The following SHTN1 variants were observed in gnomAD, a reference collection of about 807,000 sequenced individuals.
The protein encoded by SHTN1 is shootin 1, also known as shootin-1.
Under a neutral mutation model 83.1 loss-of-function variants are expected in SHTN1, and 42 were observed. The observed-to-expected ratio is 0.51, with a 90% CI of 0.39 to 0.65. The LOEUF (loss-of-function observed/expected upper bound fraction) is 0.65, where lower values mean the gene tolerates loss of function less well. SHTN1 is among the 30% of genes least tolerant of loss of function. The pLI, the probability that SHTN1 is intolerant of heterozygous loss-of-function variation, is 0.00. For missense variants in SHTN1, 622 were observed against 737.8 expected (o/e 0.84, Z 1.82); for synonymous variants, 224 against 247.7 (o/e 0.90, Z 0.90).
At chr10:117,113,704 G>C (rs1853801241) in intron 1 of SHTN1, among the ~76,000 whole-genome samples, 1 of 152,184 alleles carries the variant, frequency 6.6e-6, no homozygotes, top group Non-Finnish European at 1.5e-5. Flanking sequence ...AGGCGTTCAA[G>C]ACCCGCCTAG....
chr10:117,002,809 C>T lies in SHTN1; in HGVS notation c.58+2213G>A, dbSNP rs375455266. Among the ~76,000 whole-genome samples, 111 of 152,310 alleles carry T rather than the reference C, an allele frequency of 7.3e-4. 2 individuals are homozygous for T. The South Asian group carries it at 0.022, about 30-fold the overall frequency. On this transcript the variant is annotated intron_variant, in intron 1 of 16. Transcript: ENST00000355371. ...ACACCTTTGTAACTAGACTCACTAT[C>T]CCCAAAAGTGTACCTTTTAAGAAAC...
chr10:116,900,268 G>T lies in SHTN1; in HGVS notation c.1673+1497C>A, dbSNP rs187840743. 3.6e-3 allele frequency: 1,659 copies of T among 461,892 alleles called. 6 individuals are homozygous for T. The highest frequency in any genetic ancestry group is 9.9e-3 in the Middle Eastern group (17 of 1,716). The allele number at this position is 461,892 out of a possible 1,614,324, so 28.6% of individuals were successfully genotyped here. ...CACAGTATTTGTATTAGAGCTTTAA[G>T]TAGATAAATTAAACTGGAATGTGTC... is the stretch of plus-strand genomic sequence containing the variant. On this transcript the variant is annotated intron_variant, in intron 16 of 16. Coordinates refer to ENST00000355371, the MANE Select transcript of SHTN1 (RefSeq NM_001127211.3).
At chr10:117,061,841 T>C (rs776605245) in intron 1 of SHTN1, among the ~76,000 whole-genome samples, 4 of 152,152 alleles carry the variant, frequency 2.6e-5, no homozygotes, top group Admixed American at 2.0e-4. Context: ...CACCAACCAA[T>C]TGGCCTGCTT....
Position 117,115,995 on chromosome 10 carries a change from T to C in SHTN1, c.-189+10312A>G, listed in dbSNP as rs568147273. On this transcript the variant is annotated intron_variant, in intron 1 of 17. Transcript: ENST00000392901. The stretch of plus-strand genomic sequence containing the variant: ...TGTAGAGTGGAGATAATTATAGAAA[T>C]CATTTCCCAAGTAACTAGAGAATCA... 1.5e-3 allele frequency among the ~76,000 whole-genome samples: 227 copies of C among 152,096 alleles called. 2 individuals are homozygous for C. Among genetic ancestry groups the C allele is most frequent in the African/African-American group, 5.3e-3 (221 of 41,514 alleles).
intron 1 of SHTN1, among the ~76,000 whole-genome samples, chr10:117,123,084 C>A (rs1776377028): frequency 6.6e-6 from 1 of 151,482 alleles, no homozygotes; most frequent in African/African-American, 2.4e-5. Flanking sequence ...CTCACTGCAA[C>A]CTCTGCCTCC....
chr10:117,081,854 T>C (rs1853269465), intron 1 of SHTN1, among the ~76,000 whole-genome samples: 1 of 151,976 alleles, frequency 6.6e-6, no homozygotes, highest in Non-Finnish European at 1.5e-5. Flanking sequence ...TGATGGTAGT[T>C]TGTACTTCTG....
chr10:117,086,666 G>A (rs1281177214), intron 1 of SHTN1, among the ~76,000 whole-genome samples: 1 of 152,134 alleles, frequency 6.6e-6, no homozygotes, highest in African/African-American at 2.4e-5. Context: ...GAATATAAAA[G>A]GAGGCAGACA....
intron 2 of SHTN1, among the ~76,000 whole-genome samples, chr10:117,031,652 T>A (rs947277835): frequency 6.6e-6 from 1 of 152,190 alleles, no homozygotes; most frequent in African/African-American, 2.4e-5. Flanking sequence ...TGTTTATTTA[T>A]GCAAACAGGG....
rs1847151623 is a variant in SHTN1, at chr10:116,886,015, T to C, written c.*329A>G. On this transcript the variant is annotated 3_prime_UTR_variant, in exon 17 of 17. Transcript: ENST00000355371. Reference sequence around the variant, plus strand: ...GCACCTCAAACTTTCAGCATTCCATTTGATGAGTGGTATGCACATTTCCTA... The same window carrying C: ...GCACCTCAAACTTTCAGCATTCCATCTGATGAGTGGTATGCACATTTCCTA... 3.9e-6 allele frequency: 1 copy of C among 254,366 alleles called. No homozygotes were observed. The highest frequency in any genetic ancestry group is 7.5e-6 in the Non-Finnish European group (1 of 133,962). 15.8% of individuals were successfully genotyped at this position (254,366 alleles called of 1,614,324 possible).
chr10:117,074,070 T>C (rs1248142254), intron 1 of SHTN1, among the ~76,000 whole-genome samples: 2 of 152,186 alleles, frequency 1.3e-5, no homozygotes, highest in East Asian at 3.9e-4. Flanking sequence ...ATTGTGGAAA[T>C]ATTAGTTTAA....
chr10:117,069,953 A>G (rs1252629172), intron 1 of SHTN1, among the ~76,000 whole-genome samples: 1 of 152,168 alleles, frequency 6.6e-6, no homozygotes, highest in African/African-American at 2.4e-5. Context: ...GTAGAGTTCT[A>G]TAAAAATTAA....
intron 2 of SHTN1, among the ~76,000 whole-genome samples, chr10:117,030,154 T>C (rs1852391959): frequency 2.0e-5 from 3 of 152,188 alleles, no homozygotes; most frequent in Non-Finnish European, 2.9e-5. Flanking sequence ...CCCAAAGTGC[T>C]GGGATTACAG....
chr10:117,059,390 A>C (rs1427917500), intron 1 of SHTN1, among the ~76,000 whole-genome samples: 3 of 152,238 alleles, frequency 2.0e-5, no homozygotes, highest in Admixed American at 2.0e-4. Flanking sequence ...ATACTTATGA[A>C]TACTTAATGT....
chr10:117,097,758 A>G (rs916237835), intron 1 of SHTN1, among the ~76,000 whole-genome samples: 7 of 152,222 alleles, frequency 4.6e-5, no homozygotes, highest in Non-Finnish European at 1.0e-4. Context: ...AAAAGTTTCC[A>G]TTACATCTTT....
At chr10:117,103,516 C>T (rs1053834915) in intron 1 of SHTN1, among the ~76,000 whole-genome samples, 3 of 147,138 alleles carry the variant, frequency 2.0e-5, no homozygotes, top group Non-Finnish European at 4.5e-5. Context: ...TTCCCCTCCC[C>T]TCCCCTCCCC....
At chr10:117,084,572 G>A (rs1442715933) in intron 1 of SHTN1, among the ~76,000 whole-genome samples, 4 of 152,322 alleles carry the variant, frequency 2.6e-5, no homozygotes, top group African/African-American at 4.8e-5. Context: ...CACCCAGTTC[G>A]AGCTTCCCGG....
At chr10:116,997,960 C>T (rs375226183) in intron 1 of SHTN1, among the ~76,000 whole-genome samples, 20 of 152,188 alleles carry the variant, frequency 1.3e-4, no homozygotes, top group South Asian at 2.1e-4. Flanking sequence ...GGCATGGTGG[C>T]GGGCGCCTGT....
rs1390716593 is a variant in SHTN1, at chr10:116,940,758, T to G, written c.712-146A>C. 4 of 557,108 alleles carry G rather than the reference T, an allele frequency of 7.2e-6. No individual in the cohort carries two copies. The African/African-American group carries it at 7.7e-5, about 11-fold the overall frequency. The allele number at this position is 557,108 out of a possible 1,614,324, so 34.5% of individuals were successfully genotyped here. ...TTCTATAAGTTTTAGAAGTAGTGAT[T>G]GCTATGATTTCATTCCTTTTATATA... On this transcript the variant is annotated intron_variant, in intron 8 of 16. Coordinates refer to ENST00000355371, the MANE Select transcript of SHTN1 (RefSeq NM_001127211.3).
intron 12 of SHTN1, 147 bp downstream of exon 12, chr10:116,921,287 G>A: frequency 1.7e-6 from 1 of 582,092 alleles, no homozygotes; most frequent in Non-Finnish European, 3.1e-6. Flanking sequence ...GGAAGGCAAT[G>A]ACGGTTACTG....
Sources: gnomAD v4.1 joint callset for allele counts (sites outside exome capture counted in the v4.1 genomes callset) on GRCh38, gnomAD v4.1.1 for gene constraint, MANE v1.5 for transcripts, NCBI Gene and HGNC (gene_info 2026-07-23, HGNC 2026-07-21) for gene names.